The following SPON1 variants were observed in gnomAD, a reference collection of about 807,000 sequenced individuals.
SPON1 encodes the protein spondin 1, also known as spondin-1.
Under a neutral mutation model 111.7 loss-of-function variants are expected in SPON1, and 52 were observed. The observed-to-expected ratio is 0.47, with a 90% CI of 0.37 to 0.59. SPON1 has a LOEUF of 0.59. Among genes scored for constraint, SPON1 ranks in the 20% least tolerant of loss-of-function variants. The pLI is 0.00. For missense variants in SPON1, 957 were observed against 1,068.5 expected (o/e 0.90, Z 1.46); for synonymous variants, 410 against 395.8 (o/e 1.04, Z -0.43).
chr11:14,231,015 G>A (rs1554938657), intron 6 of SPON1, among the ~76,000 whole-genome samples: 1 of 152,108 alleles, frequency 6.6e-6, no homozygotes, highest in African/African-American at 2.4e-5. Flanking sequence ...GTCTCACTCT[G>A]TTGCCCAGGC....
Position 13,986,037 on chromosome 11 carries a change from G to C in SPON1, c.345+3084G>C, listed in dbSNP as rs531790558. On this transcript the variant is annotated intron_variant, in intron 2 of 15. Transcript: ENST00000576479. ...CTCTGTACCAAAGCTGTTATCTTTG[G>C]AGTCCTTGATTTATTCAGCAGCATT... Among the ~76,000 whole-genome samples the C allele has an allele frequency of 1.2e-3, 178 of 152,274 alleles. 7 individuals carry two copies. The South Asian group carries it at 0.035, about 30-fold the overall frequency.
chr11:14,161,301 A>ATT lies in SPON1; in HGVS notation c.825+25734_825+25735insTT, dbSNP rs1554931288. 1.4e-4 allele frequency among the ~76,000 whole-genome samples: 15 copies of ATT among 104,480 alleles called. 2 individuals carry two copies. The East Asian group carries it at 2.1e-3, about 15-fold the overall frequency. The allele number at this position is 104,480 out of a possible 152,430, so 68.5% of individuals were successfully genotyped here. On this transcript the variant is annotated intron_variant, in intron 6 of 15. Transcript: ENST00000576479. ...TCTATATATATTTATATATTTATAT[A>ATT]TATATTTTTTTATATCTATATATTT...
chr11:13,966,791 G>A (rs181050695), intron 1 of SPON1, among the ~76,000 whole-genome samples: 1 of 152,304 alleles, frequency 6.6e-6, no homozygotes, highest in East Asian at 1.9e-4. Context: ...TATTCACTGT[G>A]TGATCTCAGG....
chr11:14,242,167 C>T (rs1848934955), intron 6 of SPON1, among the ~76,000 whole-genome samples: 2 of 152,200 alleles, frequency 1.3e-5, no homozygotes. Flanking sequence ...TCAGAGACAC[C>T]ACTGTCCTCC....
At chr11:14,171,996 T>A (rs1247308642) in intron 6 of SPON1, among the ~76,000 whole-genome samples, 1 of 152,360 alleles carries the variant, frequency 6.6e-6, no homozygotes, top group East Asian at 1.9e-4. Context: ...GTTCTGTAGA[T>A]GTCTATTAGG....
intron 1 of SPON1, among the ~76,000 whole-genome samples, chr11:13,978,895 G>T (rs1848123119): frequency 6.6e-6 from 1 of 152,226 alleles, no homozygotes; most frequent in South Asian, 2.1e-4. Context: ...TGAAGCTGGA[G>T]AGGCAGAGCC....
intron 2 of SPON1, among the ~76,000 whole-genome samples, chr11:14,004,895 C>T (rs1848347222): frequency 6.6e-6 from 1 of 152,134 alleles, no homozygotes; most frequent in South Asian, 2.1e-4. Flanking sequence ...CAGCCCCAAA[C>T]TCCTGGGCTC....
At chr11:14,109,539 C>T (rs1403186341) in intron 5 of SPON1, among the ~76,000 whole-genome samples, 1 of 152,102 alleles carries the variant, frequency 6.6e-6, no homozygotes, top group Non-Finnish European at 1.5e-5. Context: ...CATTGTTTTG[C>T]ACATTTTGTG....
At chr11:13,968,602 C>T (rs1310125181) in intron 1 of SPON1, among the ~76,000 whole-genome samples, 1 of 152,164 alleles carries the variant, frequency 6.6e-6, no homozygotes, top group Non-Finnish European at 1.5e-5. Flanking sequence ...TACCTGGTAA[C>T]AAAATTAATT....
intron 5 of SPON1, among the ~76,000 whole-genome samples, chr11:14,094,385 T>C (rs55673321): frequency 0.046 from 6,967 of 152,182 alleles, 257 homozygotes; most frequent in Middle Eastern, 0.071. Context: ...CTCCAACACA[T>C]TTGTATCAAT....
rs551209603 is a variant in SPON1 at position 14,109,998 on chromosome 11, T to C, written c.677-25422T>C. ...GCAAAATTATTAATCTCTCTTCCAC[T>C]GAAATAGATACATCAGACAGATTCC... On this transcript the variant is annotated intron_variant, in intron 5 of 15. Coordinates refer to ENST00000576479, the MANE Select transcript of SPON1 (RefSeq NM_006108.4). Among the ~76,000 whole-genome samples, 4 of 152,204 alleles carry C rather than the reference T, an allele frequency of 2.6e-5. No homozygotes were observed. In the South Asian group the frequency reaches 6.2e-4, roughly 24 times the overall value.
At chr11:14,012,535 A>G (rs1188075679) in intron 2 of SPON1, among the ~76,000 whole-genome samples, 1 of 152,226 alleles carries the variant, frequency 6.6e-6, no homozygotes, top group East Asian at 1.9e-4. Context: ...ACTTTTCTCC[A>G]TAAATGCATC....
intron 2 of SPON1, among the ~76,000 whole-genome samples, chr11:14,032,250 A>G (rs868930066): frequency 1.8e-4 from 27 of 152,256 alleles, no homozygotes; most frequent in African/African-American, 6.3e-4. Flanking sequence ...CTAAAATGAT[A>G]TACACCAAAA....
chr11:14,018,924 C>T (rs1178946711), intron 2 of SPON1, among the ~76,000 whole-genome samples: 1 of 152,192 alleles, frequency 6.6e-6, no homozygotes, highest in Non-Finnish European at 1.5e-5. Context: ...TAAGCATTTA[C>T]TGCAAGCCAG....
intron 6 of SPON1, among the ~76,000 whole-genome samples, chr11:14,226,420 TA>T (rs1341635210): frequency 1.3e-5 from 2 of 152,240 alleles, no homozygotes; most frequent in Non-Finnish European, 2.9e-5. Context: ...GGCAACACAG[TA>T]CACTGTACAG....
At chr11:14,024,608 G>A (rs1440930604) in intron 2 of SPON1, among the ~76,000 whole-genome samples, 1 of 152,152 alleles carries the variant, frequency 6.6e-6, no homozygotes, top group Non-Finnish European at 1.5e-5. Flanking sequence ...CTAGCCGCTT[G>A]TGTGTGTGCC....
rs377523628 is a variant in SPON1, at chr11:14,075,990, G to T, written c.553+572G>T. 5.9e-5 allele frequency among the ~76,000 whole-genome samples: 9 copies of T among 152,278 alleles called. No homozygotes were observed. The South Asian group carries it at 1.5e-3, about 25-fold the overall frequency. On this transcript the variant is annotated intron_variant, in intron 4 of 15. Transcript: ENST00000576479. ...GCTCATGGAGGCTAACTAGACTCGG[G>T]GGATAAAGCAGAGACCTGAGTTTAG...
chr11:14,121,564 A>G (rs572078843), intron 5 of SPON1, among the ~76,000 whole-genome samples: 79 of 152,304 alleles, frequency 5.2e-4, no homozygotes, highest in African/African-American at 1.8e-3. Flanking sequence ...GTGAGAACAA[A>G]GCATTGATGG....
chr11:14,123,054 T>C (rs551210517), intron 5 of SPON1, among the ~76,000 whole-genome samples: 11 of 151,748 alleles, frequency 7.2e-5, no homozygotes, highest in African/African-American at 2.7e-4. Flanking sequence ...CCTCAGCCTC[T>C]GGAGTATCTG....
Sources: allele counts gnomAD v4.1 joint callset (sites outside exome capture counted in the v4.1 genomes callset), GRCh38; gene constraint gnomAD v4.1.1; transcripts MANE v1.5; gene names NCBI Gene and HGNC (gene_info 2026-07-23, HGNC 2026-07-21).